The following OMD variants were observed in gnomAD, a reference collection of about 807,000 sequenced individuals.
OMD encodes KSPG osteomodulin.
In OMD, 19 loss-of-function variants were observed where a neutral mutation model predicts 31.2. That is an observed-to-expected ratio of 0.61 (90% confidence interval 0.42 to 0.89). The LOEUF is 0.89. Ranked by LOEUF, OMD falls within the 40% of genes least tolerant of loss-of-function variation. OMD has a pLI of 0.00. For synonymous variants in OMD, 155 were observed against 166.4 expected, an observed-to-expected ratio of 0.93 and a Z score of 0.53; for missense variants, 448 against 490.8, an observed-to-expected ratio of 0.91 and a Z score of 0.82.
At chr9:92,415,848 A>AAT (rs1019567222) in intron 2 of OMD, among the ~76,000 whole-genome samples, 4 of 146,268 alleles carry the variant, frequency 2.7e-5, no homozygotes, top group South Asian at 2.1e-4. Context: ...TATATAAAAA[A>AAT]ATATATATAT....
Position 92,415,092 on chromosome 9 carries a change from A to T in OMD, c.*60T>A. On this transcript the variant is annotated 3_prime_UTR_variant, in exon 3 of 3. Coordinates refer to ENST00000375550, the MANE Select transcript of OMD (RefSeq NM_005014.3). ...CTTTGAGTAATACATGTTTACTTAGATTTACTATATTAAGTATAGGTTTTG... is the reference window on the plus strand; with the variant it reads ...CTTTGAGTAATACATGTTTACTTAGTTTTACTATATTAAGTATAGGTTTTG... 8.0e-7 allele frequency: 1 copy of T among 1,251,706 alleles called. No homozygotes were observed. Among genetic ancestry groups the T allele is most frequent in the Non-Finnish European group, 1.1e-6 (1 of 902,346 alleles). The allele number at this position is 1,251,706 out of a possible 1,614,324, so 77.5% of individuals were successfully genotyped here. A position where few individuals can be genotyped will look rare whatever the true frequency, so the allele number is the denominator to read the frequency against.
At chr9:92,417,710 G>A in intron 1 of OMD, 136 bp from the exon 2 acceptor site, 2 of 548,164 alleles carry the variant, frequency 3.6e-6, no homozygotes, top group Non-Finnish European at 6.0e-6. Flanking sequence ...AATGGGCAGT[G>A]CTCAAACCAA....
At chr9:92,418,024 G>A (rs1482052433) in intron 1 of OMD, among the ~76,000 whole-genome samples, 2 of 151,934 alleles carry the variant, frequency 1.3e-5, no homozygotes, top group East Asian at 3.9e-4. Flanking sequence ...CACCACGCCT[G>A]GCCTCAAACC....
chr9:92,416,891 C>G lies in OMD; in HGVS notation c.668G>C (p.Arg223Thr), dbSNP rs1843630788. The change falls in exon 2 of 3, where the codon AGA becomes ACA. Residue 223 changes from arginine (R) to threonine (T), a missense_variant. Transcript: ENST00000375550. ...KLMQLNLCSNRLESMPPGLPS... is the reference protein window; with the variant it reads ...KLMQLNLCSNTLESMPPGLPS... ...CAAACCAGGAGGCATTGATTCTAATCTGTTACTGCAGAGGTTGAGCTGCAT... is the reference window on the plus strand; with the variant it reads ...CAAACCAGGAGGCATTGATTCTAATGTGTTACTGCAGAGGTTGAGCTGCAT... 1 of 1,613,884 alleles carries G rather than the reference C, an allele frequency of 6.2e-7. No individual in the cohort carries two copies. Among genetic ancestry groups the G allele is most frequent in the Admixed American group, 1.7e-5 (1 of 60,004 alleles).
At position 92,419,299 on chromosome 9, in the gene OMD, C is replaced by CTT. The variant is rs34582930; in HGVS notation, c.-16-1727_-16-1726dup. Among the ~76,000 whole-genome samples, 158 of 117,088 alleles carry CTT rather than the reference C, an allele frequency of 1.3e-3. 2 individuals are homozygous for CTT. Among genetic ancestry groups the CTT allele is most frequent in the Middle Eastern group, 4.6e-3 (1 of 216 alleles). The allele number at this position is 117,088 out of a possible 152,430, so 76.8% of individuals were successfully genotyped here. On this transcript the variant is annotated intron_variant, in intron 1 of 2. Coordinates refer to ENST00000375550, the MANE Select transcript of OMD (RefSeq NM_005014.3). Reference sequence around the variant, plus strand: ...GCTTATCTTGTATGTTGCCTTGTGTCTTTTTTTTTTTTTTTTTTTGAGATG... The same window carrying CTT: ...GCTTATCTTGTATGTTGCCTTGTGTCTTTTTTTTTTTTTTTTTTTTTGAGATG...
rs905558996 is a variant in OMD at position 92,413,972 on chromosome 9, T to C, written c.*1180A>G. Reference sequence around the variant, plus strand: ...TGACTTGTCTGTCTGTTGCATATTGTCAGAATTGTTATCATTTGTATAGGC... The same window carrying C: ...TGACTTGTCTGTCTGTTGCATATTGCCAGAATTGTTATCATTTGTATAGGC... On this transcript the variant is annotated 3_prime_UTR_variant, in exon 3 of 3. Transcript: ENST00000375550. Among the ~76,000 whole-genome samples the C allele has an allele frequency of 1.3e-5, 2 of 152,216 alleles. No individual in the cohort carries two copies. Among genetic ancestry groups the C allele is most frequent in the African/African-American group, 4.8e-5 (2 of 41,462 alleles).
intron 1 of OMD, among the ~76,000 whole-genome samples, chr9:92,422,196 G>A (rs1040945347): frequency 3.9e-5 from 6 of 151,954 alleles, no homozygotes; most frequent in East Asian, 3.9e-4. Context: ...GATTACAGGC[G>A]TGCACCACCA....
chr9:92,422,610 C>T (rs925765898), intron 1 of OMD, among the ~76,000 whole-genome samples: 17 of 152,322 alleles, frequency 1.1e-4, no homozygotes, highest in African/African-American at 4.1e-4. Flanking sequence ...TAAACCTGAA[C>T]TTATCTTAAA....
intron 1 of OMD, among the ~76,000 whole-genome samples, chr9:92,422,562 TAAG>T (rs1265367793): frequency 6.6e-6 from 1 of 152,230 alleles, no homozygotes; most frequent in Non-Finnish European, 1.5e-5. Flanking sequence ...TGTGAGCACC[TAAG>T]AAGAAAGTCT....
rs770198927 is a variant in OMD, at chr9:92,424,370, T to C, written c.-185A>G. ...AGCAATTTAAGCAAATACAATCTTC[T>C]TGGAAAACACTCGGGTTGAATTAAA... On this transcript the variant is annotated 5_prime_UTR_variant, in exon 1 of 3. Transcript: ENST00000375550. The C allele has an allele frequency of 2.6e-5, 4 of 152,186 alleles. No individual in the cohort carries two copies. Among genetic ancestry groups the C allele is most frequent in the Admixed American group, 1.3e-4 (2 of 15,270 alleles). 9.4% of individuals were successfully genotyped at this position (152,186 alleles called of 1,614,324 possible). A position where few individuals can be genotyped will look rare whatever the true frequency, so the allele number is the denominator to read the frequency against.
At chr9:92,415,851 A>G (rs925146865) in intron 2 of OMD, among the ~76,000 whole-genome samples, 1 of 146,154 alleles carries the variant, frequency 6.8e-6, no homozygotes, top group Non-Finnish European at 1.5e-5. Context: ...ATAAAAAAAT[A>G]TATATATATA....
chr9:92,416,098 A>G (rs1293347168), intron 2 of OMD, among the ~76,000 whole-genome samples: 1 of 133,532 alleles, frequency 7.5e-6, no homozygotes, highest in Non-Finnish European at 1.6e-5. Flanking sequence ...TTATTTATTT[A>G]TTTTATTTTT....
intron 1 of OMD, among the ~76,000 whole-genome samples, chr9:92,421,460 A>C (rs1483243642): frequency 6.6e-6 from 1 of 152,222 alleles, no homozygotes; most frequent in African/African-American, 2.4e-5. Flanking sequence ...GTGAAAAAGT[A>C]GAGAATCTTG....
chr9:92,414,910 A>G lies in OMD; in HGVS notation c.*242T>C, dbSNP rs74396514. On this transcript the variant is annotated 3_prime_UTR_variant, in exon 3 of 3. Transcript: ENST00000375550. ...TTTAAAAAGAGCATAAGAAACCATT[A>G]ACGTTTAATTTATGATTCCCACTTG... The G allele has an allele frequency of 4.4e-4, 142 of 319,884 alleles. 2 individuals are homozygous for G. The East Asian group carries it at 6.8e-3, about 15-fold the overall frequency. 19.8% of individuals were successfully genotyped at this position (319,884 alleles called of 1,614,324 possible). A position where few individuals can be genotyped will look rare whatever the true frequency, so the allele number is the denominator to read the frequency against.
At position 92,414,110 on chromosome 9, in the gene OMD, C is replaced by T. The variant is rs1181512172; in HGVS notation, c.*1042G>A. On this transcript the variant is annotated 3_prime_UTR_variant, in exon 3 of 3. Coordinates refer to ENST00000375550, the MANE Select transcript of OMD (RefSeq NM_005014.3). ...TAATCATCATTGTAAGGCACACTTA[C>T]AATACTTAAAAATAATACATTAACG... 6.1e-6 allele frequency: 1 copy of T among 163,268 alleles called. No homozygotes were observed. Among genetic ancestry groups the T allele is most frequent in the Non-Finnish European group, 1.3e-5 (1 of 74,546 alleles). The allele number at this position is 163,268 out of a possible 1,614,324, so 10.1% of individuals were successfully genotyped here. A position where few individuals can be genotyped will look rare whatever the true frequency, so the allele number is the denominator to read the frequency against.
In OMD at chr9:92,415,539, A is replaced by G. The variant is rs551179123; in HGVS notation, c.941-62T>C. ...AGTATAATCCATAGTTATAGCCATA[A>G]TTCTATGTTAGATTTTATATTGTAT... On this transcript the variant is annotated intron_variant, in intron 2 of 2. Transcript: ENST00000375550. 163 of 891,944 alleles carry G rather than the reference A, an allele frequency of 1.8e-4. 2 individuals are homozygous for G. The South Asian group carries it at 4.0e-3, about 22-fold the overall frequency. 55.3% of individuals were successfully genotyped at this position (891,944 alleles called of 1,614,324 possible).
rs780716220 is a variant in OMD at position 92,415,239 on chromosome 9, G to C, written c.1179C>G (p.His393Gln). ...TCTCATGAGCATTGTCAGGATCATC[G>C]TGATCTTCACTTTCATCATCATCAT... is the stretch of plus-strand genomic sequence containing the variant. ...FPDDDDESED[H>Q]DDPDNAHESP... The change falls in exon 3 of 3, where the codon CAC (histidine) becomes CAG (glutamine). Residue 393 changes from histidine (H) to glutamine (Q), a missense_variant. Coordinates refer to ENST00000375550, the MANE Select transcript of OMD (RefSeq NM_005014.3). The C allele has an allele frequency of 6.2e-7, 1 of 1,613,478 alleles. No individual in the cohort carries two copies. The highest frequency in any genetic ancestry group is 1.1e-5 in the South Asian group (1 of 91,074).
chr9:92,418,216 A>G (rs1270464515), intron 1 of OMD, among the ~76,000 whole-genome samples: 2 of 151,568 alleles, frequency 1.3e-5, no homozygotes, highest in Non-Finnish European at 2.9e-5. Flanking sequence ...CCTCCCAAGT[A>G]TCTGGGACTA....
rs1310337929 is a variant in OMD, at chr9:92,416,846, A to G, written c.713T>C (p.Leu238Pro). Residue 238 changes from leucine to proline, a missense_variant, in exon 2 of 3, where the codon CTG becomes CCG. By Grantham distance (98) the Leu-to-Pro change is moderately conservative (BLOSUM62 -3). Coordinates refer to ENST00000375550, the MANE Select transcript of OMD (RefSeq NM_005014.3). ...AGAAATTGAATTATTTTCTAAAGAC[A>G]GATACATAAGTGAAGAAGGCAAACC... is the stretch of plus-strand genomic sequence containing the variant. Reference protein sequence around the residue: ...PPGLPSSLMYLSLENNSISSI... With the variant: ...PPGLPSSLMYPSLENNSISSI... 5.0e-6 allele frequency: 8 copies of G among 1,613,728 alleles called. No homozygotes were observed. The African/African-American group carries it at 1.1e-4, about 22-fold the overall frequency.
Sources: allele counts gnomAD v4.1 joint callset (sites outside exome capture counted in the v4.1 genomes callset), GRCh38; gene constraint gnomAD v4.1.1; transcripts MANE v1.5; gene names NCBI Gene and HGNC (gene_info 2026-07-23, HGNC 2026-07-21).